SLC4A4: variants seen among roughly 807,000 people sequenced by gnomAD.
The protein encoded by SLC4A4 is solute carrier family 4 member 4, also known as electrogenic sodium bicarbonate cotransporter 1.
SLC4A4 carries 27 observed loss-of-function variants against 111.5 expected under a neutral mutation model. That is an observed-to-expected ratio of 0.24 (90% CI 0.18 to 0.33). The LOEUF is 0.33. Ranked by LOEUF, SLC4A4 falls within the 10% of genes least tolerant of loss-of-function variation. The probability of loss-of-function intolerance (pLI) is 1.00; values close to 1 mark genes in which losing one functional copy is unlikely to be tolerated. For missense variants in SLC4A4, 909 were observed against 1,315.5 expected (o/e 0.69, Z 4.78); for synonymous variants, 443 against 463.4 (o/e 0.96, Z 0.57).
chr4:71,408,093 C>A (rs555153841), intron 7 of SLC4A4, among the ~76,000 whole-genome samples: 2 of 152,154 alleles, frequency 1.3e-5, no homozygotes, highest in African/African-American at 4.8e-5. Context: ...TATAAACTTA[C>A]AATCTGAGAT....
chr4:71,199,204 G>A (rs1319216268), intron 1 of SLC4A4, among the ~76,000 whole-genome samples: 1 of 152,178 alleles, frequency 6.6e-6, no homozygotes. Flanking sequence ...TTCCTATAAA[G>A]TTTACTGGCC....
At chr4:71,291,547 C>G (rs2149102764) in intron 3 of SLC4A4, among the ~76,000 whole-genome samples, 1 of 152,128 alleles carries the variant, frequency 6.6e-6, no homozygotes, top group African/African-American at 2.4e-5. Context: ...TCCAGCAATC[C>G]TCTCGTCTCA....
intron 2 of SLC4A4, among the ~76,000 whole-genome samples, chr4:71,143,367 G>C (rs1228901612): frequency 6.6e-6 from 1 of 152,102 alleles, no homozygotes. Flanking sequence ...ATTTGGGTTG[G>C]TTCCAAGTCT....
chr4:71,098,934 C>T (rs6841073), intron 2 of SLC4A4, among the ~76,000 whole-genome samples: 133,385 of 152,192 alleles, frequency 0.88, 60,157 homozygotes, highest in South Asian at 0.98. Flanking sequence ...ATGCACCCAA[C>T]ACAGGAGCAC....
chr4:71,221,642 G>A (rs1226987103), intron 1 of SLC4A4, among the ~76,000 whole-genome samples: 2 of 152,156 alleles, frequency 1.3e-5, no homozygotes, highest in South Asian at 2.1e-4. Context: ...ACTACGTGTT[G>A]CCATCCCTGG....
intron 1 of SLC4A4, among the ~76,000 whole-genome samples, chr4:71,220,404 G>T (rs1718671545): frequency 6.6e-6 from 1 of 152,094 alleles, no homozygotes; most frequent in Admixed American, 6.5e-5. Context: ...TCGCTTTATT[G>T]TGATATTTGT....
intron 3 of SLC4A4, among the ~76,000 whole-genome samples, chr4:71,295,065 GTTGA>G (rs1724669409): frequency 6.6e-6 from 1 of 152,152 alleles, no homozygotes; most frequent in Admixed American, 6.5e-5. Flanking sequence ...TTTAGATATG[GTTGA>G]TTGGGGGAAA....
At chr4:71,212,268 G>A (rs1241141191) in intron 1 of SLC4A4, among the ~76,000 whole-genome samples, 1 of 152,112 alleles carries the variant, frequency 6.6e-6, no homozygotes, top group Admixed American at 6.5e-5. Context: ...TCTCTAATGG[G>A]CTGTTCACTG....
At chr4:71,508,250 T>G (rs898682406) in intron 16 of SLC4A4, among the ~76,000 whole-genome samples, 1 of 151,884 alleles carries the variant, frequency 6.6e-6, no homozygotes, top group African/African-American at 2.4e-5. Flanking sequence ...CTGAACTGAA[T>G]GAGGTAGAGA....
At chr4:71,089,739 C>T (rs1386481071) in intron 1 of SLC4A4, among the ~76,000 whole-genome samples, 1 of 151,906 alleles carries the variant, frequency 6.6e-6, no homozygotes, top group Non-Finnish European at 1.5e-5. Flanking sequence ...AATGTTGCTG[C>T]CTGATCGTTC....
At chr4:71,422,022 C>T (rs1722562635) in intron 7 of SLC4A4, among the ~76,000 whole-genome samples, 1 of 151,586 alleles carries the variant, frequency 6.6e-6, no homozygotes, top group South Asian at 2.1e-4. Context: ...CACAAAAAAC[C>T]CTTCAAAAAA....
chr4:71,249,143 A>G (rs1346199243), intron 2 of SLC4A4, among the ~76,000 whole-genome samples: 1 of 152,160 alleles, frequency 6.6e-6, no homozygotes, highest in East Asian at 1.9e-4. Context: ...CTTTCAGTAT[A>G]TAAAATTCCC....
chr4:71,423,638 CAGAGATCTAGATCAATGGAACAGAACAG>C (rs1381100160), intron 7 of SLC4A4, among the ~76,000 whole-genome samples: 1 of 152,154 alleles, frequency 6.6e-6, no homozygotes, highest in Admixed American at 6.5e-5. Flanking sequence ...GGTACCAAAA[CAGAGATCTAGATCAATGGAACAGAACAG>C]AGCCCTCAGA....
chr4:71,456,152 T>A (rs1389953566), intron 12 of SLC4A4, among the ~76,000 whole-genome samples: 2 of 152,200 alleles, frequency 1.3e-5, no homozygotes, highest in African/African-American at 4.8e-5. Flanking sequence ...TATTAATAGA[T>A]TTTTTAACCT....
At chr4:71,114,435 A>G (rs1394562103) in intron 2 of SLC4A4, among the ~76,000 whole-genome samples, 1 of 150,134 alleles carries the variant, frequency 6.7e-6, no homozygotes, top group Admixed American at 6.6e-5. Context: ...CAACCTACTC[A>G]TCTGACAAAG....
intron 3 of SLC4A4, among the ~76,000 whole-genome samples, chr4:71,308,692 CT>C (rs1219243259): frequency 2.0e-5 from 3 of 152,200 alleles, no homozygotes; most frequent in Admixed American, 2.0e-4. Flanking sequence ...TACTACGCTT[CT>C]CCCATGGTTT....
At chr4:71,429,036 C>G (rs1311170298) in intron 7 of SLC4A4, among the ~76,000 whole-genome samples, 4 of 152,032 alleles carry the variant, frequency 2.6e-5, no homozygotes, top group African/African-American at 9.7e-5. Flanking sequence ...CATGCAGAAA[C>G]ATGGCAGAGA....
intron 3 of SLC4A4, among the ~76,000 whole-genome samples, chr4:71,290,785 G>T (rs1205837612): frequency 1.3e-5 from 2 of 152,098 alleles, no homozygotes; most frequent in Non-Finnish European, 2.9e-5. Flanking sequence ...CTAAACTATT[G>T]GGCCTATTTA....
At chr4:71,147,708 T>A (rs559108330) in intron 2 of SLC4A4, among the ~76,000 whole-genome samples, 51 of 152,220 alleles carry the variant, frequency 3.4e-4, no homozygotes, top group African/African-American at 1.2e-3. Context: ...ATCAGTAGGA[T>A]CTCACGGTTG....
Sources: gnomAD v4.1 joint callset for allele counts (sites outside exome capture counted in the v4.1 genomes callset) on GRCh38, gnomAD v4.1.1 for gene constraint, MANE v1.5 for transcripts, NCBI Gene and HGNC (gene_info 2026-07-23, HGNC 2026-07-21) for gene names.